Variants in PCDH10 observed in about 807,000 individuals in gnomAD.
PCDH10 encodes the protein protocadherin 10.
A neutral mutation model predicts 74.4 loss-of-function variants in PCDH10; 15 were observed. The observed-to-expected ratio is 0.20, with a 90% CI of 0.13 to 0.31. The LOEUF is 0.31. PCDH10 is among the 10% of genes least tolerant of loss of function. PCDH10 has a pLI of 1.00. For missense variants in PCDH10, 1,260 were observed against 1,390.2 expected, an observed-to-expected ratio of 0.91 and a Z score of 1.49; for synonymous variants, 619 against 589.8, an observed-to-expected ratio of 1.05 and a Z score of -0.72.
Position 133,152,551 on chromosome 4 carries a change from T to C in PCDH10, c.2411T>C (p.Ile804Thr), listed in dbSNP as rs115671631. 2.9e-3 allele frequency: 4,657 copies of C among 1,614,100 alleles called. 18 individuals carry two copies. Among genetic ancestry groups the C allele is most frequent in the Middle Eastern group, 9.7e-3 (59 of 6,060 alleles). The change falls in exon 1 of 5, where the codon ATA (isoleucine) becomes ACA (threonine). Residue 804 changes from isoleucine to threonine, a missense_variant. Coordinates refer to ENST00000264360, the MANE Select transcript of PCDH10 (RefSeq NM_032961.3). ...CCCAGTAACCCGGCCCAGGTGCCGA[T>C]AGAGGAGTCCGGGGGCTTTGGCTCC... ...NVPSNPAQVP[I>T]EESGGFGSHH... is the part of the protein sequence containing the mutation.
At chr4:133,197,565 G>A (rs1041094787), downstream of PCDH10, among the ~76,000 whole-genome samples, 16 of 152,250 alleles carry the variant, frequency 1.1e-4, no homozygotes, top group East Asian at 2.7e-3. Flanking sequence ...ACATTTCTAA[G>A]TATTCATATT....
chr4:133,175,710 G>A (rs1453827368), intron 4 of PCDH10, among the ~76,000 whole-genome samples: 7 of 152,038 alleles, frequency 4.6e-5, no homozygotes, highest in Non-Finnish European at 8.8e-5. Context: ...CATGTTAAGT[G>A]ATCTGTACCT....
intron 2 of PCDH10, among the ~76,000 whole-genome samples, chr4:133,201,929 C>A (rs1727916978): frequency 1.4e-5 from 2 of 147,876 alleles, no homozygotes; most frequent in South Asian, 4.4e-4. Context: ...CTAGGGGAAT[C>A]TTATCTTTGG....
chr4:133,170,981 A>AT (rs374748876), intron 4 of PCDH10, among the ~76,000 whole-genome samples: 143 of 146,168 alleles, frequency 9.8e-4, no homozygotes, highest in African/African-American at 3.2e-3. Flanking sequence ...CAGGTAGTCT[A>AT]TTTTTTTTTT....
chr4:133,176,952 A>G (rs1419295250), intron 4 of PCDH10, among the ~76,000 whole-genome samples: 1 of 152,238 alleles, frequency 6.6e-6, no homozygotes, highest in Non-Finnish European at 1.5e-5. Flanking sequence ...GTAGAAAAAT[A>G]AAGGATTTCT....
chr4:133,176,980 A>G (rs968775151), intron 4 of PCDH10, among the ~76,000 whole-genome samples: 1 of 152,146 alleles, frequency 6.6e-6, no homozygotes, highest in Non-Finnish European at 1.5e-5. Flanking sequence ...CAGGCAAAAA[A>G]AAATTAAAAT....
downstream of PCDH10, among the ~76,000 whole-genome samples, chr4:133,197,593 A>G (rs367703685): frequency 1.6e-3 from 246 of 152,286 alleles, 3 homozygotes; most frequent in African/African-American, 5.3e-3. Flanking sequence ...GAATTTATTG[A>G]TCCATAATGA....
chr4:133,150,369 G>A lies in PCDH10; in HGVS notation c.229G>A (p.Glu77Lys), dbSNP rs767880576. The change falls in exon 1 of 5, where the codon GAG becomes AAG. Residue 77 changes from glutamate (E) to lysine (K), a missense_variant. Physicochemically the swap from Glu to Lys is moderately conservative, Grantham distance 56. This residue lies in a region of PCDH10 where 103 missense variants were observed against 91.5 expected (regional missense o/e 1.13). Coordinates refer to ENST00000264360, the MANE Select transcript of PCDH10 (RefSeq NM_032961.3). ...NLETGVLYVN[E>K]KIDREQICKQ... ...GGAGACAGGGGTGCTGTACGTGAAC[G>A]AGAAAATAGACCGCGAACAAATCTG... 6.2e-7 allele frequency: 1 copy of A among 1,613,972 alleles called. No individual in the cohort carries two copies. The highest frequency in any genetic ancestry group is 1.1e-5 in the South Asian group (1 of 91,056).
downstream of PCDH10, among the ~76,000 whole-genome samples, chr4:133,197,606 A>T (rs928102683): frequency 6.6e-6 from 1 of 152,182 alleles, no homozygotes; most frequent in African/African-American, 2.4e-5. Context: ...CATAATGAAA[A>T]TATTGTGTAG....
downstream of PCDH10, among the ~76,000 whole-genome samples, chr4:133,196,914 A>G (rs943638926): frequency 1.3e-5 from 2 of 152,236 alleles, no homozygotes; most frequent in African/African-American, 2.4e-5. Flanking sequence ...TACCAAAAGT[A>G]TAGAATATAG....
rs769806730 is a variant in PCDH10 at position 133,152,724 on chromosome 4, G to A, written c.2584G>A (p.Asp862Asn). 1.9e-6 allele frequency: 3 copies of A among 1,614,198 alleles called. No homozygotes were observed. Among genetic ancestry groups the A allele is most frequent in the South Asian group, 2.2e-5 (2 of 91,078 alleles). ...PCGAIVTGYT[D>N]QQPDIISNGS... is the part of the protein sequence containing the mutation. ...CGGGGCCATCGTCACCGGTTACACC[G>A]ACCAGCAGCCTGATATCATCTCCAA... The change falls in exon 1 of 5, where the codon GAC (aspartate) becomes AAC (asparagine). Residue 862 changes from aspartate to asparagine, a missense_variant. Around this residue, in one of 11 missense-constraint regions of PCDH10, gnomAD observed 587 missense variants for 616.9 expected, o/e 0.95. Transcript: ENST00000264360.
chr4:133,164,389 A>G (rs761462900), intron 4 of PCDH10, among the ~76,000 whole-genome samples: 1 of 152,032 alleles, frequency 6.6e-6, no homozygotes, highest in Non-Finnish European at 1.5e-5. Context: ...AATTTTATTT[A>G]TTATTAAAAG....
Position 133,192,595 on chromosome 4 carries a change from C to T in PCDH10, c.*2435C>T, listed in dbSNP as rs1578578826. 6.6e-6 allele frequency: 1 copy of T among 151,376 alleles called. No homozygotes were observed. Among genetic ancestry groups the T allele is most frequent in the African/African-American group, 2.4e-5 (1 of 41,326 alleles). 9.4% of individuals were successfully genotyped at this position (151,376 alleles called of 1,614,324 possible). A position where few individuals can be genotyped will look rare whatever the true frequency, so the allele number is the denominator to read the frequency against. ...TTGTGTATTAGTTATTTTCATATATCCTAGGAACTAGTTATACTAACTTAC... is the reference window on the plus strand; with the variant it reads ...TTGTGTATTAGTTATTTTCATATATTCTAGGAACTAGTTATACTAACTTAC... On this transcript the variant is annotated 3_prime_UTR_variant, in exon 5 of 5. Coordinates refer to ENST00000264360, the MANE Select transcript of PCDH10 (RefSeq NM_032961.3).
intron 4 of PCDH10, among the ~76,000 whole-genome samples, chr4:133,186,640 T>A (rs1727546091): frequency 1.3e-5 from 2 of 151,846 alleles, no homozygotes; most frequent in South Asian, 4.2e-4. Flanking sequence ...TCAATTAATA[T>A]TTTTTTTGTG....
In PCDH10 at chr4:133,152,597, C is replaced by T. The variant is rs200214817; in HGVS notation, c.2457C>T (p.Tyr819=). The part of the protein sequence containing the change: ...GFGSHHHNQN[Y]CYQVCLTPES... ...GCTCCCACCACCACAACCAGAATTA[C>T]TGCTATCAGGTATGCCTGACCCCTG... The change falls in exon 1 of 5, where the codon TAC becomes TAT. Residue 819 remains tyrosine, a synonymous_variant. Coordinates refer to ENST00000264360, the MANE Select transcript of PCDH10 (RefSeq NM_032961.3). 3 of 1,614,202 alleles carry T rather than the reference C, an allele frequency of 1.9e-6. No homozygotes were observed. The highest frequency in any genetic ancestry group is 2.2e-5 in the East Asian group (1 of 44,856).
At position 133,151,399 on chromosome 4, in the gene PCDH10, C is replaced by T. The variant is rs759185294; in HGVS notation, c.1259C>T (p.Pro420Leu). ...TACTACACCATCGTTACCGAAGCCCCCCTGGACCGAGAGGCGGGGGACTCC... is the reference window on the plus strand; with the variant it reads ...TACTACACCATCGTTACCGAAGCCCTCCTGGACCGAGAGGCGGGGGACTCC... ...KNYYTIVTEA[P>L]LDREAGDSYT... Residue 420 changes from proline to leucine, a missense_variant, in exon 1 of 5, where the codon CCC becomes CTC. Around this residue, in one of 11 missense-constraint regions of PCDH10, gnomAD observed 112 missense variants for 123.6 expected, o/e 0.91. Coordinates refer to ENST00000264360, the MANE Select transcript of PCDH10 (RefSeq NM_032961.3). The T allele has an allele frequency of 1.0e-4, 162 of 1,614,062 alleles. No homozygotes were observed. Among genetic ancestry groups the T allele is most frequent in the Middle Eastern group, 8.2e-4 (5 of 6,084 alleles).
In PCDH10 at chr4:133,151,390, C is replaced by G; in HGVS notation, c.1250C>G (p.Thr417Ser). 6.2e-7 allele frequency: 1 copy of G among 1,614,168 alleles called. No homozygotes were observed. The highest frequency in any genetic ancestry group is 1.1e-5 in the South Asian group (1 of 91,080). Reference protein sequence around the residue: ...SSFKNYYTIVTEAPLDREAGD... With the variant: ...SSFKNYYTIVSEAPLDREAGD... ...TTTAAGAATTACTACACCATCGTTACCGAAGCCCCCCTGGACCGAGAGGCG... is the reference window on the plus strand; with the variant it reads ...TTTAAGAATTACTACACCATCGTTAGCGAAGCCCCCCTGGACCGAGAGGCG... Residue 417 changes from threonine to serine, a missense_variant, in exon 1 of 5, where the codon ACC becomes AGC. Around this residue, in one of 11 missense-constraint regions of PCDH10, gnomAD observed 112 missense variants for 123.6 expected, o/e 0.91. Coordinates refer to ENST00000264360, the MANE Select transcript of PCDH10 (RefSeq NM_032961.3).
At chr4:133,200,945 C>G (rs1433918083) in intron 2 of PCDH10, among the ~76,000 whole-genome samples, 1 of 152,004 alleles carries the variant, frequency 6.6e-6, no homozygotes, top group Non-Finnish European at 1.5e-5. Flanking sequence ...CGATGATTCT[C>G]TCATATAAGG....
chr4:133,197,666 A>G (rs1578581038), downstream of PCDH10, among the ~76,000 whole-genome samples: 1 of 152,132 alleles, frequency 6.6e-6, no homozygotes, highest in Non-Finnish European at 1.5e-5. Flanking sequence ...AAAACATCTG[A>G]TGATCATTGG....
Sources: allele counts gnomAD v4.1 joint callset (sites outside exome capture counted in the v4.1 genomes callset), GRCh38; gene constraint gnomAD v4.1.1; regional missense constraint gnomAD v4.1.1; transcripts MANE v1.5; gene names NCBI Gene and HGNC (gene_info 2026-07-23, HGNC 2026-07-21).